TENM3: variants seen among roughly 807,000 people sequenced by gnomAD.
TENM3 encodes the protein teneurin-3.
TENM3 carries 63 observed loss-of-function variants against 255.1 expected under a neutral mutation model. That is an observed-to-expected ratio of 0.25 (90% CI 0.20 to 0.30). The LOEUF is 0.30. TENM3 is among the 10% of genes least tolerant of loss of function. The probability of loss-of-function intolerance (pLI) is 1.00; values close to 1 mark genes in which losing one functional copy is unlikely to be tolerated. For missense variants in TENM3, 2,929 were observed against 3,461.1 expected (o/e 0.85, Z 3.86); for synonymous variants, 1,306 against 1,322.3 (o/e 0.99, Z 0.27).
At chr4:182,363,715 TA>T (rs1436558665) in intron 3 of TENM3, among the ~76,000 whole-genome samples, 2 of 152,122 alleles carry the variant, frequency 1.3e-5, no homozygotes, top group East Asian at 3.9e-4. Flanking sequence ...GAGTGATAGT[TA>T]TTATTTGCAT....
the TENM3 span, among the ~76,000 whole-genome samples, chr4:181,478,268 G>T: frequency 6.6e-6 from 1 of 152,146 alleles, no homozygotes; most frequent in Admixed American, 6.5e-5. Flanking sequence ...TTATCATACG[G>T]TATTATAATA....
intron 1 of TENM3, among the ~76,000 whole-genome samples, chr4:182,162,660 A>G (rs1044338765): frequency 6.6e-6 from 1 of 152,222 alleles, no homozygotes; most frequent in Non-Finnish European, 1.5e-5. Flanking sequence ...GAAGTCCAAG[A>G]TCAAGGTGCT....
chr4:182,081,291 C>G, the TENM3 span, among the ~76,000 whole-genome samples: 1 of 151,972 alleles, frequency 6.6e-6, no homozygotes, highest in Non-Finnish European at 1.5e-5. Flanking sequence ...AGAAGGATGT[C>G]TCAGGCCAGG....
intron 5 of TENM3, among the ~76,000 whole-genome samples, chr4:182,636,464 C>T (rs1158845734): frequency 6.6e-6 from 1 of 152,126 alleles, no homozygotes; most frequent in East Asian, 1.9e-4. Context: ...TGGCCGGGCA[C>T]AGTGGCTCAC....
the TENM3 span, among the ~76,000 whole-genome samples, chr4:181,740,718 A>T: frequency 6.6e-6 from 1 of 152,158 alleles, no homozygotes; most frequent in Non-Finnish European, 1.5e-5. Context: ...AAGGTGGTAG[A>T]AGGAAACAAA....
chr4:182,369,968 G>A (rs1318264205), intron 3 of TENM3, among the ~76,000 whole-genome samples: 1 of 152,136 alleles, frequency 6.6e-6, no homozygotes, highest in Non-Finnish European at 1.5e-5. Flanking sequence ...TTCTTATTCT[G>A]GTTCTATCAT....
chr4:181,461,973 G>A, the TENM3 span, among the ~76,000 whole-genome samples: 3 of 152,122 alleles, frequency 2.0e-5, no homozygotes, highest in African/African-American at 7.2e-5. Context: ...TCTGGACTCT[G>A]TTGTACGTAT....
the TENM3 span, among the ~76,000 whole-genome samples, chr4:181,605,478 CAGAGAAAGA>C: frequency 1.4e-5 from 1 of 72,842 alleles, no homozygotes; most frequent in African/African-American, 5.7e-5. Context: ...GAGAGAGAAA[CAGAGAAAGA>C]AAGAAAGAAA....
chr4:181,734,476 G>A, the TENM3 span, among the ~76,000 whole-genome samples: 127 of 152,172 alleles, frequency 8.3e-4, no homozygotes, highest in African/African-American at 2.9e-3. Context: ...AATGGAGGAA[G>A]TTGAAGATTT....
rs185326115 is a variant in TENM3, at chr4:182,609,307, T to G, written c.749+8146T>G. ...TCTGGAATTTCATTCTCTGGTTTCA[T>G]CACCAATTAATATACACCCTGTCAA... On this transcript the variant is annotated intron_variant, in intron 4 of 27. Transcript: ENST00000511685. 2.6e-5 allele frequency among the ~76,000 whole-genome samples: 4 copies of G among 152,344 alleles called. No individual in the cohort carries two copies. In the East Asian group the frequency reaches 7.7e-4, roughly 29 times the overall value.
intron 1 of TENM3, among the ~76,000 whole-genome samples, chr4:182,165,760 AGCAGG>A (rs1417409060): frequency 1.3e-5 from 2 of 152,136 alleles, no homozygotes; most frequent in African/African-American, 4.8e-5. Flanking sequence ...TGGGGGGTGA[AGCAGG>A]GCAGGTGTAA....
At chr4:182,522,229 TG>T (rs1324382521) in intron 3 of TENM3, among the ~76,000 whole-genome samples, 6 of 152,202 alleles carry the variant, frequency 3.9e-5, no homozygotes, top group African/African-American at 1.2e-4. Flanking sequence ...GAATATACAG[TG>T]AATTATTATT....
rs554302307 is a variant in TENM3, at chr4:182,474,923, A to G, written c.512-126001A>G. Reference sequence around the variant, plus strand: ...CCCTAATGCTGTTGTCCTCTTGTGCATAATGGTTGCAAGTCACATTGTCCC... The same window carrying G: ...CCCTAATGCTGTTGTCCTCTTGTGCGTAATGGTTGCAAGTCACATTGTCCC... On this transcript the variant is annotated intron_variant, in intron 3 of 27. Coordinates refer to ENST00000511685, the MANE Select transcript of TENM3 (RefSeq NM_001080477.4). Among the ~76,000 whole-genome samples the G allele has an allele frequency of 1.6e-4, 24 of 152,316 alleles. No homozygotes were observed. In the South Asian group the frequency reaches 4.8e-3, roughly 30 times the overall value.
chr4:181,846,073 A>G, the TENM3 span, among the ~76,000 whole-genome samples: 1 of 152,172 alleles, frequency 6.6e-6, no homozygotes, highest in East Asian at 1.9e-4. Flanking sequence ...ACTTGTAGGC[A>G]TTTGAAGTCA....
rs945472909 is a variant in TENM3, at chr4:182,311,677, A to G, written c.-75-12269A>G. On this transcript the variant is annotated intron_variant, in intron 1 of 27. Transcript: ENST00000511685. ...TTAAGTGAGGTCATATATGTAAAGC[A>G]CCTGGCATATTTTAAGCACTCAATA... 3.9e-5 allele frequency among the ~76,000 whole-genome samples: 6 copies of G among 152,212 alleles called. No homozygotes were observed. In the East Asian group the frequency reaches 1.2e-3, roughly 29 times the overall value.
At chr4:182,159,746 A>G (rs1419176356) in intron 1 of TENM3, among the ~76,000 whole-genome samples, 2 of 152,084 alleles carry the variant, frequency 1.3e-5, no homozygotes, top group African/African-American at 2.4e-5. Context: ...CGGAGAAGTG[A>G]CAGTGTGTGA....
At chr4:182,252,271 C>A (rs180871846) in intron 1 of TENM3, among the ~76,000 whole-genome samples, 6 of 152,006 alleles carry the variant, frequency 3.9e-5, no homozygotes, top group Non-Finnish European at 8.8e-5. Flanking sequence ...AGTATACACA[C>A]GACTTTCTTT....
Position 182,792,396 on chromosome 4 carries a change from T to G in TENM3, c.5724T>G (p.Ile1908Met). The G allele has an allele frequency of 6.2e-7, 1 of 1,614,042 alleles. No homozygotes were observed. Among genetic ancestry groups the G allele is most frequent in the South Asian group, 1.1e-5 (1 of 91,088 alleles). The change falls in exon 26 of 28, where the codon ATT becomes ATG. Residue 1908 changes from isoleucine to methionine, a missense_variant. This residue lies in a region of TENM3 where 303 missense variants were observed against 425.2 expected (regional missense o/e 0.71). Coordinates refer to ENST00000511685, the MANE Select transcript of TENM3 (RefSeq NM_001080477.4). The surrounding 1 kb of genome is among the most constrained non-coding windows in gnomAD (Gnocchi z 6.3). ...ARHTMQTIRS[I>M]GYYRNIYNPP... is the part of the protein sequence containing the mutation. ...ACACCATGCAGACCATCCGATCCAT[T>G]GGCTACTACCGCAACATATACAACC...
the TENM3 span, among the ~76,000 whole-genome samples, chr4:182,110,421 C>G: frequency 6.6e-6 from 1 of 151,986 alleles, no homozygotes; most frequent in Admixed American, 6.6e-5. Context: ...ACTTCCCAGG[C>G]TCAAGTGATC....
Sources: allele counts gnomAD v4.1 joint callset (sites outside exome capture counted in the v4.1 genomes callset), GRCh38; gene constraint gnomAD v4.1.1; regional missense constraint gnomAD v4.1.1; non-coding constraint Gnocchi (gnomAD v3.1); transcripts MANE v1.5; gene names NCBI Gene and HGNC (gene_info 2026-07-23, HGNC 2026-07-21).